The following METTL9 variants were observed in gnomAD, a reference collection of about 807,000 sequenced individuals.
METTL9 encodes protein-L-histidine N-pros-methyltransferase.
In METTL9, 10 loss-of-function variants were observed where a neutral mutation model predicts 36.0. The observed-to-expected ratio is 0.28, with a 90% CI of 0.17 to 0.47. METTL9 has a LOEUF of 0.47. Ranked by LOEUF, METTL9 falls within the 20% of genes least tolerant of loss-of-function variation. The pLI, the probability that METTL9 is intolerant of heterozygous loss-of-function variation, is 0.99. For missense variants in METTL9, 246 were observed against 383.5 expected (o/e 0.64, Z 3.00); for synonymous variants, 175 against 149.7 (o/e 1.17, Z -1.23).
At chr16:21,652,678 G>A (rs1044650902) in intron 4 of METTL9, 46 of 1,073,002 alleles carry the variant, frequency 4.3e-5, no homozygotes, top group Non-Finnish European at 1.5e-5. Context: ...AAGAAGAGCT[G>A]AAGAGAGGAA....
intron 4 of METTL9, chr16:21,640,796 A>G (rs1486595050): frequency 6.6e-6 from 1 of 151,690 alleles, no homozygotes; most frequent in African/African-American, 2.4e-5. Context: ...AAGAAAAAAA[A>G]TCAGTATTAC....
Position 21,643,083 on chromosome 16 carries a change from A to T in METTL9, c.752-12144A>T, listed in dbSNP as rs1361713041. 3 of 1,602,470 alleles carry T rather than the reference A, an allele frequency of 1.9e-6. No individual in the cohort carries two copies. The highest frequency in any genetic ancestry group is 1.7e-5 in the Admixed American group (1 of 59,842). ...GACATTTTACACTTACAGATTGCTG[A>T]TTTGTTTCCACATGTCTCTTATGGT... On this transcript the variant is annotated intron_variant, in intron 4 of 4. Coordinates refer to ENST00000358154, the MANE Select transcript of METTL9 (RefSeq NM_016025.5).
intron 4 of METTL9, among the ~76,000 whole-genome samples, chr16:21,635,837 T>C (rs1304384328): frequency 1.3e-5 from 2 of 152,288 alleles, no homozygotes; most frequent in African/African-American, 4.8e-5. Context: ...CGGACCCTGC[T>C]AATTGGAATA....
chr16:21,599,436 T>C (rs750770038), upstream of METTL9: 24 of 1,129,732 alleles, frequency 2.1e-5, no homozygotes, highest in Non-Finnish European at 2.6e-5. The surrounding 1 kb of genome is among the most constrained non-coding windows in gnomAD (Gnocchi z 4.4). Flanking sequence ...AGCGGCCCGC[T>C]CATTGGACGG....
intron 1 of METTL9, among the ~76,000 whole-genome samples, chr16:21,603,496 GA>G (rs1965192214): frequency 6.6e-6 from 1 of 152,192 alleles, no homozygotes; most frequent in South Asian, 2.1e-4. Flanking sequence ...TCACTGGGAA[GA>G]AATAGAGGCA....
At chr16:21,652,947 A>G (rs1432969674) in intron 4 of METTL9, 5 of 218,648 alleles carry the variant, frequency 2.3e-5, no homozygotes, top group African/African-American at 4.6e-5. Flanking sequence ...GTCACTGTCT[A>G]GGGTACCTGC....
intron 3 of METTL9, among the ~76,000 whole-genome samples, chr16:21,619,502 C>T (rs1205069738): frequency 1.3e-5 from 2 of 151,792 alleles, no homozygotes; most frequent in African/African-American, 4.8e-5. Context: ...CTCACTGAAA[C>T]CTCCACCTCC....
At chr16:21,617,670 A>G (rs376095199) in intron 2 of METTL9, among the ~76,000 whole-genome samples, 195 bp from the exon 3 acceptor site, 6 of 151,986 alleles carry the variant, frequency 3.9e-5, no homozygotes, top group African/African-American at 1.2e-4. Flanking sequence ...CGAAGGTTGC[A>G]GTGAGCCGAG....
intron 4 of METTL9, among the ~76,000 whole-genome samples, chr16:21,631,614 T>G (rs1012695587): frequency 6.6e-6 from 1 of 152,218 alleles, no homozygotes; most frequent in African/African-American, 2.4e-5. Flanking sequence ...CCATCTATCG[T>G]CCTGTCCTGA....
intron 4 of METTL9, among the ~76,000 whole-genome samples, chr16:21,633,405 G>A (rs1343502116): frequency 6.6e-6 from 1 of 152,206 alleles, no homozygotes; most frequent in East Asian, 1.9e-4. Context: ...GACTTGAGAA[G>A]TGTCCTAGAT....
At chr16:21,618,792 C>T (rs991636352) in intron 3 of METTL9, among the ~76,000 whole-genome samples, 3 of 151,970 alleles carry the variant, frequency 2.0e-5, no homozygotes, top group African/African-American at 7.2e-5. Flanking sequence ...CGGCTCACTA[C>T]AACCTCTACC....
chr16:21,598,957 G>A (rs759470481), upstream of METTL9, among the ~76,000 whole-genome samples: 9 of 152,150 alleles, frequency 5.9e-5, no homozygotes, highest in African/African-American at 2.2e-4. Context: ...CAGGCTTGGG[G>A]AACGGGGCAG....
At chr16:21,637,933 T>C (rs1414249986) in intron 4 of METTL9, among the ~76,000 whole-genome samples, 1 of 152,248 alleles carries the variant, frequency 6.6e-6, no homozygotes, top group Non-Finnish European at 1.5e-5. Flanking sequence ...ACTCAGTCTA[T>C]GGTAATTTGT....
chr16:21,624,601 C>T (rs537274674), intron 3 of METTL9, among the ~76,000 whole-genome samples: 26 of 152,134 alleles, frequency 1.7e-4, no homozygotes, highest in African/African-American at 6.3e-4. Context: ...GTGGCAACTG[C>T]CTGTAATCTC....
At chr16:21,611,260 CTGTT>C (rs1407814463) in intron 1 of METTL9, among the ~76,000 whole-genome samples, 2 of 152,104 alleles carry the variant, frequency 1.3e-5, no homozygotes, top group African/African-American at 2.4e-5. Context: ...TTTAACGTGC[CTGTT>C]TGTTTGTGTT....
At chr16:21,652,205 C>CT (rs1179451482) in intron 4 of METTL9, 3 of 194,664 alleles carry the variant, frequency 1.5e-5, no homozygotes, top group African/African-American at 6.9e-5. Context: ...TCATTTATTG[C>CT]TTTCTATGTG....
At position 21,600,040 on chromosome 16, in the gene METTL9, G is replaced by C. The variant is rs935463802; in HGVS notation, c.165+142G>C. 5 of 769,740 alleles carry C rather than the reference G, an allele frequency of 6.5e-6. No individual in the cohort carries two copies. The African/African-American group carries it at 9.2e-5, about 14-fold the overall frequency. 47.7% of individuals were successfully genotyped at this position (769,740 alleles called of 1,614,324 possible). A position where few individuals can be genotyped will look rare whatever the true frequency, so the allele number is the denominator to read the frequency against. ...CTCGGCCCCTTGGAAAGTTTTCCCC[G>C]CGCCTTCCCCGCCGGGCGTCGACTC... On this transcript the variant is annotated intron_variant, in intron 1 of 4. Transcript: ENST00000358154.
At chr16:21,605,048 G>C (rs1965235822) in intron 1 of METTL9, among the ~76,000 whole-genome samples, 1 of 152,006 alleles carries the variant, frequency 6.6e-6, no homozygotes, top group African/African-American at 2.4e-5. Context: ...TAGAACTCTT[G>C]GAGGTTGGTG....
rs866800644 is a variant in METTL9 at position 21,652,735 on chromosome 16, G to A, written c.752-2492G>A. ...TCAGGAACTTTTTGAAATTGTGCAA[G>A]GATGGCTTCACCATTTAACATTGAG... On this transcript the variant is annotated intron_variant, in intron 4 of 4. Transcript: ENST00000358154. 3 of 615,330 alleles carry A rather than the reference G, an allele frequency of 4.9e-6. No individual in the cohort carries two copies. The Middle Eastern group carries it at 8.0e-4, about 163-fold the overall frequency. 38.1% of individuals were successfully genotyped at this position (615,330 alleles called of 1,614,324 possible).
Sources: gnomAD v4.1 joint callset for allele counts (sites outside exome capture counted in the v4.1 genomes callset) on GRCh38, gnomAD v4.1.1 for gene constraint, Gnocchi (gnomAD v3.1) non-coding constraint, MANE v1.5 for transcripts, NCBI Gene and HGNC (gene_info 2026-07-23, HGNC 2026-07-21) for gene names.